ATP10B: variants seen among roughly 807,000 people sequenced by gnomAD.
The protein encoded by ATP10B is ATPase phospholipid transporting 10B (putative).
ATP10B carries 122 observed loss-of-function variants against 141.2 expected under a neutral mutation model. That is an observed-to-expected ratio of 0.86 (90% confidence interval 0.75 to 1.00). The LOEUF is 1.00. Ranked by LOEUF, ATP10B falls within the 50% of genes least tolerant of loss-of-function variation. The pLI is 0.00. For missense variants in ATP10B, 1,876 were observed against 1,825.3 expected, an observed-to-expected ratio of 1.03 and a Z score of -0.51; for synonymous variants, 685 against 692.0, an observed-to-expected ratio of 0.99 and a Z score of 0.16.
chr5:160,616,110 T>TA (rs961542859), intron 16 of ATP10B, 146 bp from the exon 17 acceptor site: 17 of 806,686 alleles, frequency 2.1e-5, no homozygotes, highest in Non-Finnish European at 2.8e-5. Flanking sequence ...GACTTTTTTT[T>TA]AAATATGTAA....
rs987177864 is a variant in ATP10B at position 160,791,802 on chromosome 5, A to G, written c.-575-5999T>C. ...GCTAAGGAGGACAATACACTCAACT[A>G]AAAGTTAGGATTCTTATCACTAAGG... On this transcript the variant is annotated intron_variant, in intron 1 of 25. Coordinates refer to ENST00000327245, the MANE Select transcript of ATP10B (RefSeq NM_025153.3). 3.9e-5 allele frequency among the ~76,000 whole-genome samples: 6 copies of G among 152,288 alleles called. No homozygotes were observed. In the East Asian group the frequency reaches 1.2e-3, roughly 29 times the overall value.
At chr5:160,620,272 T>A (rs560746418) in intron 15 of ATP10B, 75 bp downstream of exon 15, 1 of 1,515,960 alleles carries the variant, frequency 6.6e-7, no homozygotes, top group Non-Finnish European at 8.8e-7. Context: ...AACTTGAGCT[T>A]CTTATTACCA....
intron 1 of ATP10B, among the ~76,000 whole-genome samples, chr5:160,834,662 G>A (rs1319219163): frequency 6.6e-6 from 1 of 152,118 alleles, no homozygotes; most frequent in East Asian, 1.9e-4. Context: ...GGGCTCAAGT[G>A]ACAATACTTC....
At chr5:160,886,328 A>G in the ATP10B span, among the ~76,000 whole-genome samples, 1 of 152,244 alleles carries the variant, frequency 6.6e-6, no homozygotes, top group Non-Finnish European at 1.5e-5. Context: ...GACTTGAAAG[A>G]TAAAACTAAA....
chr5:160,631,840 T>C (rs1198142059), intron 13 of ATP10B, among the ~76,000 whole-genome samples: 1 of 152,196 alleles, frequency 6.6e-6, no homozygotes, highest in African/African-American at 2.4e-5. Flanking sequence ...GTTGTTGCCA[T>C]GAGGAAATGC....
At position 160,620,741 on chromosome 5, in the gene ATP10B, G is replaced by A; in HGVS notation, c.2022C>T (p.Ser674=). Residue 674 remains serine, a synonymous_variant, in exon 15 of 26, where the codon TCC becomes TCT. Transcript: ENST00000327245. ...TGCTCCTGTAGCCACCGTCATCAGT[G>A]GAGTCACCTCCACTGCACACAGATG... ...DDASVCSGGD[S]TDDGGYRSSM... 1 of 1,614,202 alleles carries A rather than the reference G, an allele frequency of 6.2e-7. No individual in the cohort carries two copies.
intron 3 of ATP10B, among the ~76,000 whole-genome samples, chr5:160,702,293 C>A (rs1223919981): frequency 6.6e-6 from 1 of 152,118 alleles, no homozygotes. Flanking sequence ...TTCTTTTCAG[C>A]CGTAGGCATT....
At chr5:160,636,666 T>C (rs542385863) in intron 10 of ATP10B, among the ~76,000 whole-genome samples, 2 of 152,172 alleles carry the variant, frequency 1.3e-5, no homozygotes, top group Non-Finnish European at 2.9e-5. Flanking sequence ...TGTGCATGGG[T>C]AGGGAGCCTT....
intron 2 of ATP10B, among the ~76,000 whole-genome samples, chr5:160,725,466 T>G (rs1275267163): frequency 6.6e-6 from 1 of 152,156 alleles, no homozygotes; most frequent in East Asian, 1.9e-4. Context: ...GATTTTTTTT[T>G]TTTTTTAGTT....
chr5:160,726,675 A>AG (rs1247044517), intron 2 of ATP10B, among the ~76,000 whole-genome samples: 1 of 65,248 alleles, frequency 1.5e-5, no homozygotes, highest in Non-Finnish European at 3.1e-5. Flanking sequence ...AGGAAGGAGT[A>AG]GGGGGGGAGG....
chr5:160,657,531 A>T (rs913208513), intron 7 of ATP10B, among the ~76,000 whole-genome samples: 1 of 152,140 alleles, frequency 6.6e-6, no homozygotes, highest in African/African-American at 2.4e-5. Flanking sequence ...GAGGGAGACT[A>T]TCTTAAGGAT....
intron 8 of ATP10B, among the ~76,000 whole-genome samples, chr5:160,645,488 A>C (rs969490975): frequency 9.2e-5 from 14 of 152,194 alleles, no homozygotes; most frequent in African/African-American, 3.1e-4. Flanking sequence ...ACAGCTCATA[A>C]AATAGACCTC....
intron 1 of ATP10B, among the ~76,000 whole-genome samples, chr5:160,794,743 C>T (rs921637258): frequency 2.0e-5 from 3 of 152,184 alleles, no homozygotes; most frequent in South Asian, 2.1e-4. Flanking sequence ...AGCCTCTTTG[C>T]CCAATGGATT....
chr5:160,680,769 C>G (rs1763339456), intron 6 of ATP10B, among the ~76,000 whole-genome samples: 1 of 152,114 alleles, frequency 6.6e-6, no homozygotes, highest in Non-Finnish European at 1.5e-5. Context: ...TCAGGTATAA[C>G]CTAGTTAGTA....
chr5:160,857,020 A>AT (rs1351772468), upstream of ATP10B, among the ~76,000 whole-genome samples: 2 of 151,706 alleles, frequency 1.3e-5, no homozygotes, highest in African/African-American at 4.8e-5. Context: ...TGGGTCTATA[A>AT]TTTTTTATAC....
chr5:160,608,317 T>C (rs1471338715), intron 18 of ATP10B, among the ~76,000 whole-genome samples: 1 of 152,206 alleles, frequency 6.6e-6, no homozygotes, highest in Non-Finnish European at 1.5e-5. Flanking sequence ...ATTTTCTTAA[T>C]CCAGTCTATC....
chr5:160,752,935 A>G lies in ATP10B; in HGVS notation c.-331+32624T>C, dbSNP rs557899463. On this transcript the variant is annotated intron_variant, in intron 2 of 25. Transcript: ENST00000327245. ...CTTTACTAGCTTCATTTTTTAACCT[A>G]CACCCATCAGTTCCTCTTACTTTCT... Among the ~76,000 whole-genome samples, 6 of 152,280 alleles carry G rather than the reference A, an allele frequency of 3.9e-5. No individual in the cohort carries two copies. In the South Asian group the frequency reaches 1.2e-3, roughly 32 times the overall value.
chr5:160,707,182 C>T (rs1289292579), intron 3 of ATP10B, among the ~76,000 whole-genome samples: 1 of 152,112 alleles, frequency 6.6e-6, no homozygotes, highest in African/African-American at 2.4e-5. Flanking sequence ...AACTCCTGAC[C>T]TCAGGTGATC....
Position 160,569,656 on chromosome 5 carries a change from C to T in ATP10B, c.3778G>A (p.Gly1260Ser), listed in dbSNP as rs756229044. 3.4e-5 allele frequency: 54 copies of T among 1,591,960 alleles called. No homozygotes were observed. The highest frequency in any genetic ancestry group is 1.7e-4 in the Middle Eastern group (1 of 5,884). The change falls in exon 25 of 26, where the codon GGC becomes AGC. Residue 1260 changes from glycine (G) to serine (S), a missense_variant. Physicochemically the swap from Gly to Ser is moderately conservative, Grantham distance 56. Transcript: ENST00000327245. ...WTIFHGVVLL[G>S]SFLMYFLVSL... ...ACCAGAAAGTACATCAGGAAGCTGC[C>T]GAGGAGCACGACTCCGTGGAAAATG...
Sources: allele counts gnomAD v4.1 joint callset (sites outside exome capture counted in the v4.1 genomes callset), GRCh38; gene constraint gnomAD v4.1.1; transcripts MANE v1.5; gene names NCBI Gene and HGNC (gene_info 2026-07-23, HGNC 2026-07-21).